The following GPR174 variants were observed in gnomAD, a reference collection of about 807,000 sequenced individuals.
GPR174 encodes probable G protein-coupled receptor 174.
A neutral mutation model predicts 16.5 loss-of-function variants in GPR174; 8 were observed. That is an observed-to-expected ratio of 0.48 (90% CI 0.28 to 0.87). GPR174 has a LOEUF of 0.87. Ranked by LOEUF, GPR174 falls within the 40% of genes least tolerant of loss-of-function variation. The probability of loss-of-function intolerance (pLI) is 0.09; values close to 1 mark genes in which losing one functional copy is unlikely to be tolerated. For missense variants in GPR174, 214 were observed against 247.5 expected, an observed-to-expected ratio of 0.86 and a Z score of 0.91; for synonymous variants, 111 against 94.8, an observed-to-expected ratio of 1.17 and a Z score of -0.99.
intron 2 of GPR174, among the ~76,000 whole-genome samples, chrX:79,162,859 A>G (rs1921268455): frequency 8.9e-6 from 1 of 111,965 alleles, no homozygotes; most frequent in African/African-American, 3.2e-5. Flanking sequence ...GCCAATTCCA[A>G]TGTAAATGAT....
rs1926451662 is a variant in GPR174 at position 79,144,732 on chromosome X, C to T, written c.-1139C>T. ...TTGCATATTTCACTCTGACATCTTA[C>T]TACTATGCTTTTCAACATGATAGTG... is the stretch of plus-strand genomic sequence containing the variant. On this transcript the variant is annotated 5_prime_UTR_variant, in exon 1 of 3. Coordinates refer to ENST00000645147, the MANE Select transcript of GPR174 (RefSeq NM_032553.3). 1 of 111,362 alleles carries T rather than the reference C, an allele frequency of 9.0e-6. No individual in the cohort carries two copies. The highest frequency in any genetic ancestry group is 3.8e-4 in the South Asian group (1 of 2,656). The allele number at this position is 111,362 out of a possible 1,213,427, so 9.2% of individuals were successfully genotyped here.
intron 1 of GPR174, among the ~76,000 whole-genome samples, chrX:79,152,564 T>C (rs1230995180): frequency 9.0e-6 from 1 of 111,320 alleles, no homozygotes; most frequent in Non-Finnish European, 1.9e-5. Flanking sequence ...CCCACCACAT[T>C]CTTTTGCTCT....
rs1921525789 is a variant in GPR174 at position 79,171,921 on chromosome X, G to A, written c.914G>A (p.Arg305Lys). The A allele has an allele frequency of 8.3e-7, 1 of 1,210,751 alleles. No individual in the cohort carries two copies. Among genetic ancestry groups the A allele is most frequent in the Non-Finnish European group, 1.1e-6 (1 of 895,058 alleles). ...STNEFRRRLS[R>K]QDLHDSIQLH... ...AATGAGTTCCGAAGACGGCTTTCAAGACAAGATTTGCATGACAGCATCCAA... is the reference window on the plus strand; with the variant it reads ...AATGAGTTCCGAAGACGGCTTTCAAAACAAGATTTGCATGACAGCATCCAA... Residue 305 changes from arginine to lysine, a missense_variant, in exon 3 of 3, where the codon AGA becomes AAA. Transcript: ENST00000645147.
In GPR174 at chrX:79,144,935, CT is replaced by C. The variant is rs1320060334; in HGVS notation, c.-932del. On this transcript the variant is annotated 5_prime_UTR_variant, in exon 1 of 3. Coordinates refer to ENST00000645147, the MANE Select transcript of GPR174 (RefSeq NM_032553.3). ...TTCCTTCCCTCCTTCCTCTCCTTTC[CT>C]TTTCTTTCTTTCTTTTTCTTTCTTT... 1 of 103,248 alleles carries C rather than the reference CT, an allele frequency of 9.7e-6. No homozygotes were observed. The highest frequency in any genetic ancestry group is 3.7e-5 in the African/African-American group (1 of 27,363). 8.5% of individuals were successfully genotyped at this position (103,248 alleles called of 1,213,427 possible).
intron 2 of GPR174, among the ~76,000 whole-genome samples, chrX:79,157,456 C>A (rs1032326584): frequency 9.0e-6 from 1 of 111,457 alleles, no homozygotes; most frequent in Admixed American, 9.5e-5. Flanking sequence ...GGGTACACAG[C>A]CTTTATTCCC....
Position 79,171,950 on chromosome X carries a change from C to T in GPR174, c.943C>T (p.His315Tyr). The T allele has an allele frequency of 2.5e-6, 3 of 1,207,907 alleles. No individual in the cohort carries two copies. The highest frequency in any genetic ancestry group is 2.3e-4 in the Middle Eastern group (1 of 4,326). ...AGATTTGCATGACAGCATCCAACTC[C>T]ATGCAAAATCCTTTGTGAGTAACCA... ...RQDLHDSIQL[H>Y]AKSFVSNHTA... Residue 315 changes from histidine (H) to tyrosine (Y), a missense_variant, in exon 3 of 3, where the codon CAT becomes TAT. Transcript: ENST00000645147.
In GPR174 at chrX:79,145,054, CTTTCTTTCTTTT is replaced by C. The variant is rs2147444972; in HGVS notation, c.-813_-802del. On this transcript the variant is annotated 5_prime_UTR_variant, in exon 1 of 3. Coordinates refer to ENST00000645147, the MANE Select transcript of GPR174 (RefSeq NM_032553.3). ...TCTTTCTTTCTTTCTTTCTTTCTTTCTTTCTTTCTTTTTTTTCTCCTTTTGCTAGTGAAGGAG... is the reference window on the plus strand; with the variant it reads ...TCTTTCTTTCTTTCTTTCTTTCTTTCTTTTCTCCTTTTGCTAGTGAAGGAG... 1 of 36,025 alleles carries C rather than the reference CTTTCTTTCTTTT, an allele frequency of 2.8e-5. No individual in the cohort carries two copies. Among genetic ancestry groups the C allele is most frequent in the Admixed American group, 3.7e-4 (1 of 2,671 alleles). 3.0% of individuals were successfully genotyped at this position (36,025 alleles called of 1,213,427 possible).
At chrX:79,152,631 C>A (rs1926624322) in intron 1 of GPR174, among the ~76,000 whole-genome samples, 1 of 111,700 alleles carries the variant, frequency 9.0e-6, no homozygotes, top group African/African-American at 3.3e-5. Context: ...AGAGGAAGAA[C>A]CTTGGGACAT....
intron 2 of GPR174, among the ~76,000 whole-genome samples, chrX:79,166,443 T>C (rs1405780562): frequency 1.3e-5 from 1 of 75,797 alleles, no homozygotes; most frequent in Non-Finnish European, 2.5e-5. Flanking sequence ...TTTTTTTTTT[T>C]TTTTTTTTTT....
chrX:79,172,030 G>A lies in GPR174; in HGVS notation c.*21G>A. 8.6e-7 allele frequency: 1 copy of A among 1,165,729 alleles called. No individual in the cohort carries two copies. The highest frequency in any genetic ancestry group is 1.1e-6 in the Non-Finnish European group (1 of 872,441). On this transcript the variant is annotated 3_prime_UTR_variant, in exon 3 of 3. Coordinates refer to ENST00000645147, the MANE Select transcript of GPR174 (RefSeq NM_032553.3). ...GCTAAAACAAAAAACCAAACTGAAT[G>A]TGACCTGAAATGCAAGTACATCAGA...
intron 2 of GPR174, among the ~76,000 whole-genome samples, chrX:79,157,422 T>C (rs959617196): frequency 8.9e-6 from 1 of 112,016 alleles, no homozygotes; most frequent in African/African-American, 3.2e-5. Context: ...ACTTTTTAGC[T>C]TCAAAAGGGG....
intron 1 of GPR174, among the ~76,000 whole-genome samples, chrX:79,156,029 T>C (rs986294231): frequency 1.8e-5 from 2 of 112,388 alleles, no homozygotes; most frequent in Non-Finnish European, 3.8e-5. Context: ...ATTTCATTTC[T>C]TCCACTTTCT....
chrX:79,168,460 A>G (rs2147459375), intron 2 of GPR174, among the ~76,000 whole-genome samples: 1 of 111,267 alleles, frequency 9.0e-6, no homozygotes, highest in South Asian at 3.8e-4. Context: ...ACACTTTGGG[A>G]TGCTGAGACA....
intron 2 of GPR174, among the ~76,000 whole-genome samples, chrX:79,167,055 A>T (rs1047552218): frequency 8.9e-6 from 1 of 112,143 alleles, no homozygotes. Context: ...GACAGGCAGG[A>T]TTTCAACAGG....
intron 2 of GPR174, among the ~76,000 whole-genome samples, chrX:79,158,015 T>C (rs1000603080): frequency 4.7e-5 from 5 of 107,325 alleles, no homozygotes; most frequent in Non-Finnish European, 5.8e-5. Context: ...CCTTCATGTG[T>C]AACCCAAGTA....
intron 2 of GPR174, among the ~76,000 whole-genome samples, chrX:79,169,915 A>C (rs1164163167): frequency 1.8e-5 from 2 of 112,212 alleles, no homozygotes; most frequent in East Asian, 5.6e-4. Flanking sequence ...TGATGGTTCA[A>C]GGACAAATGC....
At chrX:79,145,251 C>T (rs1926477209) in intron 1 of GPR174, 34 bp downstream of exon 1, 1 of 110,307 alleles carries the variant, frequency 9.1e-6, no homozygotes, top group Admixed American at 9.7e-5. Context: ...AATTAGCTCT[C>T]GTCTGTGCGT....
intron 2 of GPR174, among the ~76,000 whole-genome samples, chrX:79,164,850 T>C (rs1294396704): frequency 9.0e-6 from 1 of 111,178 alleles, no homozygotes; most frequent in Admixed American, 9.6e-5. Flanking sequence ...TCTGGAATAA[T>C]AGTGATCAAT....
rs1311710177 is a variant in GPR174, at chrX:79,174,001, C to A, written c.*1992C>A. The A allele has an allele frequency of 9.0e-6, 1 of 111,410 alleles. No homozygotes were observed. The highest frequency in any genetic ancestry group is 1.9e-5 in the Non-Finnish European group (1 of 53,049). The allele number at this position is 111,410 out of a possible 1,213,427, so 9.2% of individuals were successfully genotyped here. A position where few individuals can be genotyped will look rare whatever the true frequency, so the allele number is the denominator to read the frequency against. ...CTATAGTATTTGTGCTTAGTATTTTCTAGATTAGCATGAATTACACTTCCT... is the reference window on the plus strand; with the variant it reads ...CTATAGTATTTGTGCTTAGTATTTTATAGATTAGCATGAATTACACTTCCT... On this transcript the variant is annotated 3_prime_UTR_variant, in exon 3 of 3. Transcript: ENST00000645147.
Sources: allele counts gnomAD v4.1 joint callset (sites outside exome capture counted in the v4.1 genomes callset), GRCh38; gene constraint gnomAD v4.1.1; transcripts MANE v1.5; gene names NCBI Gene and HGNC (gene_info 2026-07-23, HGNC 2026-07-21).